Variants in MLIP observed in about 807,000 individuals in gnomAD.
MLIP encodes muscular LMNA interacting protein.
Under a neutral mutation model 84.8 loss-of-function variants are expected in MLIP, and 79 were observed. The ratio of observed to expected loss-of-function variants is 0.93; its 90% CI spans 0.78 to 1.12. The LOEUF (loss-of-function observed/expected upper bound fraction) is 1.12, where lower values mean the gene tolerates loss of function less well. MLIP is among the 50% of genes most tolerant of loss of function. The pLI, the probability that MLIP is intolerant of heterozygous loss-of-function variation, is 0.00. For missense variants in MLIP, 1,257 were observed against 1,160.6 expected, an observed-to-expected ratio of 1.08 and a Z score of -1.21; for synonymous variants, 504 against 463.0, an observed-to-expected ratio of 1.09 and a Z score of -1.14.
At chr6:54,192,594 C>T (rs1173877901) in intron 10 of MLIP, among the ~76,000 whole-genome samples, 1 of 151,530 alleles carries the variant, frequency 6.6e-6, no homozygotes, top group African/African-American at 2.4e-5. Context: ...ATAAGAATGT[C>T]TTTGATAAAC....
chr6:54,019,052 A>T (rs1763353736), exon 1 of MLIP: 2 of 1,611,794 alleles, frequency 1.2e-6, no homozygotes, highest in African/African-American at 2.7e-5. Flanking sequence ...AGCGTGAAAA[A>T]AGAAGCTTAT....
At chr6:54,080,486 A>C (rs1264233130) in intron 1 of MLIP, among the ~76,000 whole-genome samples, 1 of 150,228 alleles carries the variant, frequency 6.7e-6, no homozygotes, top group East Asian at 1.9e-4. Flanking sequence ...CCTTATTTTT[A>C]CAATCATTTC....
chr6:54,135,257 A>G (rs373159773), intron 3 of MLIP, among the ~76,000 whole-genome samples: 3 of 152,174 alleles, frequency 2.0e-5, no homozygotes, highest in East Asian at 1.9e-4. Flanking sequence ...ATTTGATTCA[A>G]TTCTGCTTGA....
chr6:54,063,672 G>T (rs1192267643), intron 1 of MLIP, among the ~76,000 whole-genome samples: 1 of 144,502 alleles, frequency 6.9e-6, no homozygotes, highest in Non-Finnish European at 1.5e-5. Context: ...TTTAAAAAAT[G>T]GACATGATTA....
At chr6:54,225,880 A>G (rs1780542808) in intron 11 of MLIP, among the ~76,000 whole-genome samples, 1 of 152,260 alleles carries the variant, frequency 6.6e-6, no homozygotes, top group Non-Finnish European at 1.5e-5. Flanking sequence ...GTAAAGATAT[A>G]GTCTACAAGT....
intron 1 of MLIP, among the ~76,000 whole-genome samples, chr6:54,039,336 A>T (rs1284804687): frequency 6.6e-6 from 1 of 151,980 alleles, no homozygotes; most frequent in Admixed American, 6.6e-5. Flanking sequence ...AAAAACAAAC[A>T]CAAATAAAAT....
intron 10 of MLIP, among the ~76,000 whole-genome samples, chr6:54,194,944 G>T (rs1412054721): frequency 6.6e-6 from 1 of 151,904 alleles, no homozygotes; most frequent in African/African-American, 2.4e-5. Flanking sequence ...TTGAGTATTT[G>T]CTTCAAGTAT....
chr6:54,079,908 C>T (rs1364498163), intron 1 of MLIP, among the ~76,000 whole-genome samples: 2 of 152,140 alleles, frequency 1.3e-5, no homozygotes, highest in Non-Finnish European at 2.9e-5. Context: ...AACTACCGCT[C>T]CACAAAACTG....
intron 13 of MLIP, among the ~76,000 whole-genome samples, chr6:54,263,515 G>A (rs553600808): frequency 9.2e-5 from 14 of 151,958 alleles, no homozygotes; most frequent in South Asian, 6.2e-4. Flanking sequence ...CTCAATACAT[G>A]CAGCCTAATT....
intron 1 of MLIP, among the ~76,000 whole-genome samples, chr6:54,033,267 ATT>A (rs1190645133): frequency 1.7e-4 from 24 of 140,982 alleles, no homozygotes; most frequent in Non-Finnish European, 1.3e-4. Flanking sequence ...GGAGGAACTA[ATT>A]TTTTTTTTTT....
intron 1 of MLIP, among the ~76,000 whole-genome samples, chr6:54,118,964 T>A (rs922244581): frequency 6.6e-6 from 1 of 152,174 alleles, no homozygotes; most frequent in Non-Finnish European, 1.5e-5. Flanking sequence ...TTGTTGCTAA[T>A]CATCAGGAAA....
At chr6:54,089,607 G>A (rs992950789) in intron 1 of MLIP, among the ~76,000 whole-genome samples, 2 of 152,052 alleles carry the variant, frequency 1.3e-5, no homozygotes, top group African/African-American at 2.4e-5. Flanking sequence ...GACCCTTTGA[G>A]CCTTTCAGCG....
intron 5 of MLIP, among the ~76,000 whole-genome samples, chr6:54,156,397 T>G (rs1386752037): frequency 6.6e-6 from 1 of 152,150 alleles, no homozygotes; most frequent in African/African-American, 2.4e-5. Flanking sequence ...TAGATAGTTC[T>G]GTCATTCTCT....
chr6:54,265,949 G>A lies in MLIP; in HGVS notation c.2977-1G>A, dbSNP rs139203594. ...GACTACCATATTCTCTTATTTTACA[G>A]CAATGAAGTTGGAGCAGAGGCTGAA... On this transcript the variant is annotated splice_acceptor_variant, in intron 13 of 13. Transcript: ENST00000502396. LOFTEE classifies it high-confidence loss of function. The A allele has an allele frequency of 4.3e-6, 7 of 1,611,186 alleles. No individual in the cohort carries two copies. The highest frequency in any genetic ancestry group is 5.1e-6 in the Non-Finnish European group (6 of 1,178,658).
At chr6:54,101,235 A>G (rs1222004123) in intron 1 of MLIP, among the ~76,000 whole-genome samples, 2 of 152,260 alleles carry the variant, frequency 1.3e-5, no homozygotes, top group African/African-American at 4.8e-5. Context: ...GAGTAAAAAT[A>G]TTAAGGGGGG....
intron 5 of MLIP, among the ~76,000 whole-genome samples, chr6:54,159,161 C>T (rs917329581): frequency 2.6e-5 from 4 of 152,034 alleles, no homozygotes; most frequent in Non-Finnish European, 5.9e-5. Flanking sequence ...GATCCTTCTG[C>T]CTCAGCCTCC....
At chr6:54,263,381 CT>C (rs1783505232) in intron 13 of MLIP, among the ~76,000 whole-genome samples, 2 of 151,830 alleles carry the variant, frequency 1.3e-5, no homozygotes, top group African/African-American at 4.8e-5. Flanking sequence ...CAGATTTTAT[CT>C]TTTTTCACCA....
intron 1 of MLIP, among the ~76,000 whole-genome samples, chr6:54,118,413 A>T (rs181992739): frequency 2.6e-5 from 4 of 152,334 alleles, no homozygotes; most frequent in Non-Finnish European, 4.4e-5. Flanking sequence ...AGGTGCCAAG[A>T]ACACACAATG....
intron 11 of MLIP, chr6:54,215,096 A>G: frequency 7.1e-7 from 1 of 1,413,834 alleles, no homozygotes; most frequent in Non-Finnish European, 9.6e-7. Context: ...CCTTTTCTAC[A>G]CGCTGTGTAC....
Sources: allele counts gnomAD v4.1 joint callset (sites outside exome capture counted in the v4.1 genomes callset), GRCh38; gene constraint gnomAD v4.1.1; transcripts MANE v1.5; gene names NCBI Gene and HGNC (gene_info 2026-07-23, HGNC 2026-07-21).